The following COL4A2 variants were observed in gnomAD, a reference collection of about 807,000 sequenced individuals.
COL4A2 encodes the protein collagen type IV alpha 2 chain, also known as collagen alpha-2(IV) chain.
In COL4A2, 99 loss-of-function variants were observed where a neutral mutation model predicts 200.2. The observed-to-expected ratio is 0.49, with a 90% CI of 0.42 to 0.58. COL4A2 has a LOEUF of 0.58. Ranked by LOEUF, COL4A2 falls within the 20% of genes least tolerant of loss-of-function variation. The pLI is 0.00. For synonymous variants in COL4A2, 897 were observed against 900.6 expected (o/e 1.00, Z 0.07); for missense variants, 1,950 against 2,314.1 (o/e 0.84, Z 3.23).
At chr13:110,486,431 A>T (rs1189822648) in intron 34 of COL4A2, among the ~76,000 whole-genome samples, 1 of 152,198 alleles carries the variant, frequency 6.6e-6, no homozygotes, top group Non-Finnish European at 1.5e-5. Context: ...AGTGTGTATA[A>T]CATAGCACAG....
intron 22 of COL4A2, among the ~76,000 whole-genome samples, chr13:110,461,506 G>T (rs958396176): frequency 1.3e-5 from 2 of 152,188 alleles, no homozygotes; most frequent in Non-Finnish European, 2.9e-5. Context: ...CCACTGCATT[G>T]TATTTACTTA....
intron 4 of COL4A2, among the ~76,000 whole-genome samples, chr13:110,378,905 TG>T (rs1363500078): frequency 1.3e-5 from 2 of 152,134 alleles, no homozygotes; most frequent in Non-Finnish European, 2.9e-5. Context: ...CAGTCATGAA[TG>T]GAAGCTGCTT....
intron 4 of COL4A2, among the ~76,000 whole-genome samples, chr13:110,365,656 G>A (rs1045489762): frequency 2.0e-5 from 3 of 152,024 alleles, no homozygotes; most frequent in Admixed American, 1.3e-4. Context: ...CTTTCTCCAC[G>A]CAATGGCCTT....
At chr13:110,318,988 G>A (rs1446391048) in intron 3 of COL4A2, among the ~76,000 whole-genome samples, 3 of 152,056 alleles carry the variant, frequency 2.0e-5, no homozygotes, top group Non-Finnish European at 2.9e-5. Flanking sequence ...TTGTCCCTTT[G>A]CCCATTCTCA....
intron 4 of COL4A2, among the ~76,000 whole-genome samples, chr13:110,373,556 T>C (rs1347341758): frequency 6.6e-6 from 1 of 152,240 alleles, no homozygotes; most frequent in African/African-American, 2.4e-5. Flanking sequence ...AAAGCTGCTC[T>C]CTCCTGTCCT....
chr13:110,473,437 C>T, intron 29 of COL4A2: 1 of 382,970 alleles, frequency 2.6e-6, no homozygotes, highest in South Asian at 6.2e-5. Context: ...GTGACAGGGG[C>T]CGTGACAGGC....
At position 110,429,877 on chromosome 13, in the gene COL4A2, C is replaced by G. The variant is rs1334821250; in HGVS notation, c.478-8C>G. On this transcript the variant is annotated splice_polypyrimidine_tract_variant and splice_region_variant and intron_variant, in intron 7 of 47. Transcript: ENST00000360467. ...GTTTTTTCTTTTTACAATATATCTGCTAATTAGGGGCCCCAAGGACCAAAA... is the reference window on the plus strand; with the variant it reads ...GTTTTTTCTTTTTACAATATATCTGGTAATTAGGGGCCCCAAGGACCAAAA... The G allele has an allele frequency of 1.7e-5, 28 of 1,612,876 alleles. No homozygotes were observed. Among genetic ancestry groups the G allele is most frequent in the Non-Finnish European group, 2.3e-5 (27 of 1,179,466 alleles).
intron 3 of COL4A2, among the ~76,000 whole-genome samples, chr13:110,324,697 C>T (rs1337032084): frequency 6.6e-6 from 1 of 152,206 alleles, no homozygotes; most frequent in Non-Finnish European, 1.5e-5. Context: ...GCAGCAGGTC[C>T]TAGAAGACAG....
chr13:110,373,255 T>C (rs1014325558), intron 4 of COL4A2, among the ~76,000 whole-genome samples: 1 of 152,262 alleles, frequency 6.6e-6, no homozygotes, highest in African/African-American at 2.4e-5. Context: ...CCAACTGTGT[T>C]GTGAACGCAT....
chr13:110,469,219 G>T lies in COL4A2; in HGVS notation c.2098G>T (p.Ala700Ser), dbSNP rs1401207289. 16 of 1,587,420 alleles carry T rather than the reference G, an allele frequency of 1.0e-5. No homozygotes were observed. The highest frequency in any genetic ancestry group is 1.3e-5 in the Non-Finnish European group (15 of 1,166,048). The part of the protein sequence containing the change: ...GLPGPPGPTG[A>S]KGLRGIPGFA... The stretch of plus-strand genomic sequence containing the variant: ...TTGTGGTTTATTTGGTTATTTAGGT[G>T]CCAAAGGCCTCCGAGGAATCCCAGG... Residue 700 changes from alanine (A) to serine (S), a missense_variant and splice_region_variant, in exon 28 of 48, where the codon GCC becomes TCC. Ala to Ser is a moderately conservative substitution (Grantham distance 99, BLOSUM62 1). This residue lies in a region of COL4A2 where 1,385 missense variants were observed against 1,720.5 expected (regional missense o/e 0.80). Coordinates refer to ENST00000360467, the MANE Select transcript of COL4A2 (RefSeq NM_001846.4).
chr13:110,488,568 G>A lies in COL4A2; in HGVS notation c.3208-877G>A, dbSNP rs117503554. On this transcript the variant is annotated intron_variant, in intron 34 of 47. Transcript: ENST00000360467. ...TCTCCCTCTGTGCACAGATGGAGGC[G>A]CACAGCCCCATATCTGTGTTATAAT... Among the ~76,000 whole-genome samples, 1,313 of 152,242 alleles carry A rather than the reference G, an allele frequency of 8.6e-3. 17 individuals carry two copies. The highest frequency in any genetic ancestry group is 0.013 in the Non-Finnish European group (873 of 68,018).
intron 34 of COL4A2, among the ~76,000 whole-genome samples, chr13:110,488,170 C>T (rs568170962): frequency 3.9e-5 from 6 of 152,270 alleles, no homozygotes; most frequent in South Asian, 2.1e-4. Context: ...GGATTACAGG[C>T]GCACGCCACC....
chr13:110,477,166 T>A (rs975099883), intron 29 of COL4A2, among the ~76,000 whole-genome samples: 1 of 152,196 alleles, frequency 6.6e-6, no homozygotes, highest in Non-Finnish European at 1.5e-5. Context: ...CTAGGCAACA[T>A]GGCAAAACCC....
chr13:110,345,050 T>C (rs1235900680), intron 3 of COL4A2, among the ~76,000 whole-genome samples: 1 of 152,174 alleles, frequency 6.6e-6, no homozygotes, highest in Non-Finnish European at 1.5e-5. Context: ...AGTCATATAC[T>C]GTGTTACAGC....
In COL4A2 at chr13:110,307,979, C is replaced by G; in HGVS notation, c.44+32C>G. 6.2e-7 allele frequency: 1 copy of G among 1,612,102 alleles called. No homozygotes were observed. Among genetic ancestry groups the G allele is most frequent in the Non-Finnish European group, 8.5e-7 (1 of 1,179,254 alleles). ...GACTTTCTGCCTGGTCCCCGTGGGT[C>G]ACGCGCGCATGGACCCTTCGGTGTA... On this transcript the variant is annotated intron_variant, in intron 2 of 47. Coordinates refer to ENST00000360467, the MANE Select transcript of COL4A2 (RefSeq NM_001846.4). This position sits in a 1 kb window ranked among gnomAD's most constrained non-coding sequence, Gnocchi z 5.0.
chr13:110,485,093 C>T (rs1883067758), intron 33 of COL4A2, 66 bp downstream of exon 33: 3 of 1,404,490 alleles, frequency 2.1e-6, no homozygotes, highest in Non-Finnish European at 9.5e-7. Context: ...CCAGCTCGTG[C>T]CCTTCTCCGT....
rs1352780437 is a variant in COL4A2 at position 110,436,038 on chromosome 13, C to G, written c.727-231C>G. 9.1e-6 allele frequency: 6 copies of G among 658,836 alleles called. No homozygotes were observed. The African/African-American group carries it at 1.1e-4, about 12-fold the overall frequency. 40.8% of individuals were successfully genotyped at this position (658,836 alleles called of 1,614,324 possible). A position where few individuals can be genotyped will look rare whatever the true frequency, so the allele number is the denominator to read the frequency against. ...AAATGCAGTCCAGAATTGTAAACAA[C>G]CTACATGGCTTTTATGCATAAATTC... On this transcript the variant is annotated intron_variant, in intron 12 of 47. Transcript: ENST00000360467.
intron 4 of COL4A2, among the ~76,000 whole-genome samples, chr13:110,358,056 T>C (rs937147371): frequency 6.6e-6 from 1 of 151,962 alleles, no homozygotes; most frequent in African/African-American, 2.4e-5. Context: ...TAGTTTACTA[T>C]AACTTTTTTA....
intron 4 of COL4A2, among the ~76,000 whole-genome samples, chr13:110,383,718 C>T (rs1437850391): frequency 1.3e-5 from 2 of 148,740 alleles, no homozygotes; most frequent in African/African-American, 2.5e-5. Context: ...CGGGTTCAAG[C>T]GATTCTCGTG....
Sources: gnomAD v4.1 joint callset for allele counts (sites outside exome capture counted in the v4.1 genomes callset) on GRCh38, gnomAD v4.1.1 for gene constraint, gnomAD v4.1.1 regional missense constraint, Gnocchi (gnomAD v3.1) non-coding constraint, MANE v1.5 for transcripts, NCBI Gene and HGNC (gene_info 2026-07-23, HGNC 2026-07-21) for gene names.